Variants in ENPP2 observed in about 807,000 individuals in gnomAD.
ENPP2 encodes ectonucleotide pyrophosphatase/phosphodiesterase 2.
A neutral mutation model predicts 120.2 loss-of-function variants in ENPP2; 51 were observed. The observed-to-expected ratio is 0.42, with a 90% CI of 0.34 to 0.54. The LOEUF (loss-of-function observed/expected upper bound fraction) is 0.54, where lower values mean the gene tolerates loss of function less well. Among genes scored for constraint, ENPP2 ranks in the 20% least tolerant of loss-of-function variants. The probability of loss-of-function intolerance (pLI) is 0.04; values close to 1 mark genes in which losing one functional copy is unlikely to be tolerated. For synonymous variants in ENPP2, 365 were observed against 366.4 expected, an observed-to-expected ratio of 1.00 and a Z score of 0.04; for missense variants, 920 against 1,066.5, an observed-to-expected ratio of 0.86 and a Z score of 1.91.
At chr8:119,613,150 A>C (rs1414561982) in intron 8 of ENPP2, among the ~76,000 whole-genome samples, 1 of 152,194 alleles carries the variant, frequency 6.6e-6, no homozygotes, top group Non-Finnish European at 1.5e-5. Context: ...GAGAATTTCC[A>C]AAGAAACCAA....
At chr8:119,577,995 G>A (rs1812462622) in intron 19 of ENPP2, among the ~76,000 whole-genome samples, 1 of 152,112 alleles carries the variant, frequency 6.6e-6, no homozygotes, top group Admixed American at 6.6e-5. Context: ...CTAAGAAGAT[G>A]TGTCTTATTT....
At chr8:119,656,294 C>T (rs1203468521) in intron 1 of ENPP2, among the ~76,000 whole-genome samples, 1 of 152,090 alleles carries the variant, frequency 6.6e-6, no homozygotes, top group Admixed American at 6.6e-5. Context: ...TTGACAATGG[C>T]CTGGTTGTTT....
intron 8 of ENPP2, among the ~76,000 whole-genome samples, chr8:119,615,873 C>T (rs1219177533): frequency 6.6e-6 from 1 of 152,046 alleles, no homozygotes; most frequent in Non-Finnish European, 1.5e-5. Flanking sequence ...ACCATTGTCA[C>T]CACCATAATC....
At chr8:119,637,107 A>T (rs1332160943) in intron 2 of ENPP2, among the ~76,000 whole-genome samples, 4 of 152,172 alleles carry the variant, frequency 2.6e-5, no homozygotes, top group African/African-American at 9.7e-5. Flanking sequence ...TTGGCTCTCA[A>T]GTTGCTAGCT....
intron 1 of ENPP2, among the ~76,000 whole-genome samples, chr8:119,663,548 T>G (rs946740662): frequency 2.0e-5 from 3 of 152,202 alleles, no homozygotes. Flanking sequence ...TACCTATAGA[T>G]CTCTTATAGT....
chr8:119,557,624 A>G lies in ENPP2; in HGVS notation c.2489T>C (p.Ile830Thr), dbSNP rs770974534. 9.3e-6 allele frequency: 15 copies of G among 1,611,716 alleles called. No individual in the cohort carries two copies. Among genetic ancestry groups the G allele is most frequent in the Non-Finnish European group, 1.2e-5 (14 of 1,179,554 alleles). Residue 830 changes from isoleucine to threonine, a missense_variant, in exon 25 of 25, where the codon ATT becomes ACT. Coordinates refer to ENST00000075322, the MANE Select transcript of ENPP2 (RefSeq NM_001040092.3). ...MKMHTARVRDIEHLTSLDFFR... is the reference protein window; with the variant it reads ...MKMHTARVRDTEHLTSLDFFR... ...GAAGTCCAGGCTGGTGAGATGTTCAATGTCACGCACCCTAGCTGTGTGCAT... is the reference window on the plus strand; with the variant it reads ...GAAGTCCAGGCTGGTGAGATGTTCAGTGTCACGCACCCTAGCTGTGTGCAT...
chr8:119,614,849 T>C (rs1023974300), intron 8 of ENPP2, among the ~76,000 whole-genome samples: 1 of 152,086 alleles, frequency 6.6e-6, no homozygotes, highest in Non-Finnish European at 1.5e-5. Flanking sequence ...TCAACAAATT[T>C]CACTATGATC....
chr8:119,614,887 G>A (rs567964096), intron 8 of ENPP2, among the ~76,000 whole-genome samples: 2 of 152,206 alleles, frequency 1.3e-5, no homozygotes, highest in South Asian at 4.1e-4. Context: ...GGACTTCTGG[G>A]AGTCCAGCCT....
chr8:119,595,859 A>C, intron 11 of ENPP2: 1 of 1,613,982 alleles, frequency 6.2e-7, no homozygotes, highest in Non-Finnish European at 8.5e-7. Context: ...TGTCCTGACG[A>C]GTTTCCGCAG....
intron 2 of ENPP2, among the ~76,000 whole-genome samples, chr8:119,631,204 C>CTTT (rs60092023): frequency 1.8e-4 from 11 of 61,778 alleles, no homozygotes; most frequent in Non-Finnish European, 2.5e-4. Context: ...ATGCTGCTAT[C>CTTT]TTTTTTTTTT....
upstream of ENPP2, among the ~76,000 whole-genome samples, chr8:119,640,973 C>T (rs926240119): frequency 2.0e-5 from 3 of 152,092 alleles, no homozygotes; most frequent in Non-Finnish European, 2.9e-5. Context: ...TCTCGAACTC[C>T]TGACCTCAGG....
Position 119,651,978 on chromosome 8 carries a change from G to C in ENPP2, c.22-13451C>G, listed in dbSNP as rs565695878. On this transcript the variant is annotated intron_variant, in intron 1 of 25. Transcript: ENST00000427067. ...TGATATCAAGGATAGTGAGATGAAA[G>C]GTGTGTTTTAATTGGGAGATGGTAA... Among the ~76,000 whole-genome samples, 4 of 152,276 alleles carry C rather than the reference G, an allele frequency of 2.6e-5. No individual in the cohort carries two copies. In the South Asian group the frequency reaches 8.3e-4, roughly 32 times the overall value.
At chr8:119,562,771 G>C (rs557674080) in intron 24 of ENPP2, 86 bp downstream of exon 24, 6 of 1,282,872 alleles carry the variant, frequency 4.7e-6, no homozygotes, top group Non-Finnish European at 6.6e-6. Context: ...TAATAAGTAT[G>C]TTCTAGTTCA....
intron 5 of ENPP2, 139 bp from the exon 6 acceptor site, chr8:119,617,702 A>G (rs1815565988): frequency 1.6e-6 from 1 of 631,358 alleles, no homozygotes; most frequent in Non-Finnish European, 2.8e-6. Flanking sequence ...TAATCCCAGC[A>G]CTTTGGGAGT....
rs750701293 is a variant in ENPP2, at chr8:119,659,320, T to TAAAAAAAAAAAAAAAAAAAAAA, written c.21+13931_21+13932insTTTTTTTTTTTTTTTTTTTTTT. Among the ~76,000 whole-genome samples, 10 of 64,898 alleles carry TAAAAAAAAAAAAAAAAAAAAAA rather than the reference T, an allele frequency of 1.5e-4. 1 individual carries two copies. Among genetic ancestry groups the TAAAAAAAAAAAAAAAAAAAAAA allele is most frequent in the South Asian group, 8.5e-4 (1 of 1,182 alleles). 42.6% of individuals were successfully genotyped at this position (64,898 alleles called of 152,430 possible). A position where few individuals can be genotyped will look rare whatever the true frequency, so the allele number is the denominator to read the frequency against. Reference sequence around the variant, plus strand: ...CTACAGGACAAGACTCTGTCTCAATTAAAAAAAAAAAAAAAAACCAGAGTT... The same window carrying TAAAAAAAAAAAAAAAAAAAAAA: ...CTACAGGACAAGACTCTGTCTCAATTAAAAAAAAAAAAAAAAAAAAAAAAAAAAAAAAAAAAAAACCAGAGTT... On this transcript the variant is annotated intron_variant, in intron 1 of 25. Transcript: ENST00000427067.
At chr8:119,584,574 T>C (rs183688862) in intron 15 of ENPP2, among the ~76,000 whole-genome samples, 3 of 152,346 alleles carry the variant, frequency 2.0e-5, no homozygotes, top group African/African-American at 4.8e-5. Context: ...AATATTTGCA[T>C]GCAAATTTAT....
intron 12 of ENPP2, among the ~76,000 whole-genome samples, chr8:119,593,527 A>C (rs532675609): frequency 1.3e-5 from 2 of 152,262 alleles, no homozygotes; most frequent in African/African-American, 4.8e-5. Context: ...CCTGCAAATA[A>C]CAGAAATATA....
chr8:119,655,005 T>C (rs953731273), intron 1 of ENPP2, among the ~76,000 whole-genome samples: 2 of 152,222 alleles, frequency 1.3e-5, no homozygotes, highest in African/African-American at 4.8e-5. Flanking sequence ...AGGATCTTTA[T>C]ACATACCTTG....
At chr8:119,626,268 A>G (rs1816266014) in intron 3 of ENPP2, among the ~76,000 whole-genome samples, 1 of 152,224 alleles carries the variant, frequency 6.6e-6, no homozygotes, top group East Asian at 1.9e-4. Context: ...GTGGGAATTG[A>G]CAGAAAGATA....
Sources: allele counts gnomAD v4.1 joint callset (sites outside exome capture counted in the v4.1 genomes callset), GRCh38; gene constraint gnomAD v4.1.1; transcripts MANE v1.5; gene names NCBI Gene and HGNC (gene_info 2026-07-23, HGNC 2026-07-21).